Variants in MED12L observed in about 807,000 individuals in gnomAD.
The protein encoded by MED12L is mediator of RNA polymerase II transcription subunit 12-like protein.
Under a neutral mutation model 281.3 loss-of-function variants are expected in MED12L, and 60 were observed. The observed-to-expected ratio is 0.21, with a 90% CI of 0.17 to 0.26. The LOEUF is 0.26. MED12L is among the 10% of genes least tolerant of loss of function. The probability of loss-of-function intolerance (pLI) is 1.00; values close to 1 mark genes in which losing one functional copy is unlikely to be tolerated. For synonymous variants in MED12L, 974 were observed against 987.2 expected (o/e 0.99, Z 0.25); for missense variants, 2,146 against 2,680.9 (o/e 0.80, Z 4.41).
At chr3:151,163,837 A>T in intron 8 of MED12L, 56 bp from the exon 9 acceptor site, 1 of 1,554,734 alleles carries the variant, frequency 6.4e-7, no homozygotes, top group Non-Finnish European at 8.8e-7. Context: ...CTGTTTAGCT[A>T]TTGTTATGCT....
chr3:151,201,738 C>A (rs1462605424), intron 16 of MED12L, among the ~76,000 whole-genome samples: 1 of 152,172 alleles, frequency 6.6e-6, no homozygotes, highest in Non-Finnish European at 1.5e-5. Flanking sequence ...CCATTTGTAC[C>A]TTGGAATTTT....
chr3:151,429,793 G>A (rs1303775381), intron 43 of MED12L, among the ~76,000 whole-genome samples: 2 of 152,174 alleles, frequency 1.3e-5, no homozygotes, highest in African/African-American at 4.8e-5. Flanking sequence ...GGTGGGATTA[G>A]CGAACCTTCA....
intron 11 of MED12L, among the ~76,000 whole-genome samples, chr3:151,175,308 G>T (rs956147444): frequency 6.6e-6 from 1 of 152,106 alleles, no homozygotes; most frequent in Non-Finnish European, 1.5e-5. Flanking sequence ...TGACCATTTT[G>T]TTTGACCTTG....
chr3:151,269,795 G>A (rs978579394), intron 16 of MED12L: 5 of 419,636 alleles, frequency 1.2e-5, no homozygotes, highest in African/African-American at 4.2e-5. Context: ...GAAGTCAAAT[G>A]CAAATCTGGA....
At position 151,360,535 on chromosome 3, in the gene MED12L, A is replaced by G. The variant is rs1273596485; in HGVS notation, c.2887A>G (p.Ile963Val). 4 of 1,613,028 alleles carry G rather than the reference A, an allele frequency of 2.5e-6. No individual in the cohort carries two copies. Among genetic ancestry groups the G allele is most frequent in the Non-Finnish European group, 2.5e-6 (3 of 1,179,218 alleles). The change falls in exon 21 of 45, where the codon ATT becomes GTT. Residue 963 changes from isoleucine (I) to valine (V), a missense_variant. Physicochemically the swap from Ile to Val is conservative, Grantham distance 29 (BLOSUM62 3). This residue lies in a region of MED12L where 404 missense variants were observed against 603.5 expected (regional missense o/e 0.67). Coordinates refer to ENST00000687756, the MANE Select transcript of MED12L (RefSeq NM_001393769.1). ...AGAATGTTCTTCCCCTGAAAGATGC[A>G]TTTTAGCCTACCTCTATGATCTCTA... is the stretch of plus-strand genomic sequence containing the variant. ...PSECSSPERCILAYLYDLYVS... is the reference protein window; with the variant it reads ...PSECSSPERCVLAYLYDLYVS...
chr3:151,368,610 ATT>A (rs1755611953), intron 25 of MED12L, among the ~76,000 whole-genome samples: 2 of 67,648 alleles, frequency 3.0e-5, no homozygotes, highest in African/African-American at 7.0e-5. Flanking sequence ...ATTTTATTTT[ATT>A]TTATTTTATT....
rs144932286 is a variant in MED12L at position 151,162,819 on chromosome 3, C to G, written c.1108-1074C>G. On this transcript the variant is annotated intron_variant, in intron 8 of 44. Coordinates refer to ENST00000687756, the MANE Select transcript of MED12L (RefSeq NM_001393769.1). ...AAGAGCATAATGGCTTAGATATACA[C>G]TTTAAAGCTGTTACAGACCTGATTT... 5.3e-4 allele frequency among the ~76,000 whole-genome samples: 80 copies of G among 152,302 alleles called. 1 individual carries two copies. The highest frequency in any genetic ancestry group is 1.8e-3 in the African/African-American group (76 of 41,558).
In MED12L at chr3:151,116,383, C is replaced by G; in HGVS notation, c.145C>G (p.Pro49Ala). 6.2e-7 allele frequency: 1 copy of G among 1,613,342 alleles called. No individual in the cohort carries two copies. The highest frequency in any genetic ancestry group is 1.1e-5 in the South Asian group (1 of 91,008). Reference protein sequence around the residue: ...VNVKQGFNNQPAFTGDEHGSA... With the variant: ...VNVKQGFNNQAAFTGDEHGSA... ...TGTAAAGCAAGGCTTCAATAATCAGCCAGCCTTCACTGGAGATGAACATGG... is the reference window on the plus strand; with the variant it reads ...TGTAAAGCAAGGCTTCAATAATCAGGCAGCCTTCACTGGAGATGAACATGG... Residue 49 changes from proline to alanine, a missense_variant, in exon 3 of 45, where the codon CCA becomes GCA. Physicochemically the swap from Pro to Ala is conservative, Grantham distance 27. Transcript: ENST00000687756.
chr3:151,254,152 A>C lies in MED12L; in HGVS notation c.2250+60486A>C, dbSNP rs999107298. On this transcript the variant is annotated intron_variant, in intron 16 of 44. Transcript: ENST00000687756. Reference sequence around the variant, plus strand: ...TAGCCACCTCTTTTTCCTTTTATCTATTTTTAGGTATTAGTGCCTGTATTT... The same window carrying C: ...TAGCCACCTCTTTTTCCTTTTATCTCTTTTTAGGTATTAGTGCCTGTATTT... 2.6e-5 allele frequency among the ~76,000 whole-genome samples: 4 copies of C among 151,778 alleles called. No homozygotes were observed. In the South Asian group the frequency reaches 8.3e-4, roughly 32 times the overall value.
At chr3:151,149,373 A>G (rs1008785913) in intron 5 of MED12L, among the ~76,000 whole-genome samples, 2 of 152,246 alleles carry the variant, frequency 1.3e-5, no homozygotes, top group African/African-American at 4.8e-5. Flanking sequence ...TAGTGCATAT[A>G]AAAGTTATGT....
chr3:151,254,828 G>A (rs555030063), intron 16 of MED12L, among the ~76,000 whole-genome samples: 10 of 152,190 alleles, frequency 6.6e-5, no homozygotes, highest in African/African-American at 2.2e-4. Context: ...TTTGCTTTTG[G>A]CAGGTTGCAA....
chr3:151,188,302 T>C (rs946023916), intron 12 of MED12L, 52 bp from the exon 13 acceptor site: 1 of 1,414,870 alleles, frequency 7.1e-7, no homozygotes, highest in African/African-American at 1.4e-5. Flanking sequence ...ATTCATGATC[T>C]GTTATGACTA....
At chr3:151,295,049 A>T (rs1744897017) in intron 16 of MED12L, 4 of 1,613,534 alleles carry the variant, frequency 2.5e-6, no homozygotes, top group South Asian at 2.2e-5. Context: ...GTGGAAGAAG[A>T]TCCACACTGC....
chr3:151,103,992 G>A (rs1464570875), intron 2 of MED12L, among the ~76,000 whole-genome samples: 2 of 152,192 alleles, frequency 1.3e-5, no homozygotes, highest in Non-Finnish European at 2.9e-5. Context: ...ATGTGAGGGA[G>A]TGGTATTATT....
At chr3:151,195,622 T>G (rs1724546982) in intron 16 of MED12L, among the ~76,000 whole-genome samples, 1 of 152,176 alleles carries the variant, frequency 6.6e-6, no homozygotes, top group Non-Finnish European at 1.5e-5. Flanking sequence ...AGCCTTATAT[T>G]TTAGAGATGT....
chr3:151,093,178 C>T (rs1012507246), intron 2 of MED12L, among the ~76,000 whole-genome samples: 4 of 152,172 alleles, frequency 2.6e-5, no homozygotes, highest in Non-Finnish European at 5.9e-5. Flanking sequence ...GTGGTGCACA[C>T]CTGCGGTCCC....
chr3:151,389,083 A>C (rs955620356), intron 37 of MED12L, among the ~76,000 whole-genome samples: 21 of 152,212 alleles, frequency 1.4e-4, no homozygotes, highest in Admixed American at 1.3e-3. Context: ...CCACCACTTT[A>C]GGATGCCACT....
intron 25 of MED12L, among the ~76,000 whole-genome samples, chr3:151,368,586 A>ATTTATTTTATTTTATTTTATTTTAT (rs71637017): frequency 9.9e-5 from 12 of 120,802 alleles, no homozygotes; most frequent in African/African-American, 3.7e-4. Context: ...GGCAATGGTG[A>ATTTATTTTATTTTATTTTATTTTAT]TTTATTTTAT....
At chr3:151,329,215 A>G (rs1418170103) in intron 16 of MED12L, among the ~76,000 whole-genome samples, 2 of 152,214 alleles carry the variant, frequency 1.3e-5, no homozygotes, top group African/African-American at 4.8e-5. Flanking sequence ...TACTTTTAAC[A>G]GTACCATTAC....
Sources: allele counts gnomAD v4.1 joint callset (sites outside exome capture counted in the v4.1 genomes callset), GRCh38; gene constraint gnomAD v4.1.1; regional missense constraint gnomAD v4.1.1; transcripts MANE v1.5; gene names NCBI Gene and HGNC (gene_info 2026-07-23, HGNC 2026-07-21).